The following RCBTB2 variants were observed in gnomAD, a reference collection of about 807,000 sequenced individuals.
RCBTB2 encodes RCC1 and BTB domain-containing protein 2.
A neutral mutation model predicts 65.4 loss-of-function variants in RCBTB2; 55 were observed. That is an observed-to-expected ratio of 0.84 (90% CI 0.68 to 1.05). RCBTB2 has a LOEUF of 1.05. Ranked by LOEUF, RCBTB2 falls within the 50% of genes least tolerant of loss-of-function variation. RCBTB2 has a pLI of 0.00. For synonymous variants in RCBTB2, 220 were observed against 255.2 expected, an observed-to-expected ratio of 0.86 and a Z score of 1.31; for missense variants, 599 against 680.1, an observed-to-expected ratio of 0.88 and a Z score of 1.33.
Position 48,512,045 on chromosome 13 carries a change from A to C in RCBTB2, c.646T>G (p.Cys216Gly), listed in dbSNP as rs1313964887. The C allele has an allele frequency of 6.2e-7, 1 of 1,614,196 alleles. No individual in the cohort carries two copies. Among genetic ancestry groups the C allele is most frequent in the Non-Finnish European group, 8.5e-7 (1 of 1,179,992 alleles). Reference protein sequence around the residue: ...VVVTIACGQMCCMAVVDTGEV... With the variant: ...VVVTIACGQMGCMAVVDTGEV... The stretch of plus-strand genomic sequence containing the variant: ...CCCGTGTCTACTACTGCCATGCAGC[A>C]CATCTGCCCACATGCTATGGTCACA... The change falls in exon 8 of 15, where the codon TGC becomes GGC. Residue 216 changes from cysteine (C) to glycine (G), a missense_variant. Coordinates refer to ENST00000344532, the MANE Select transcript of RCBTB2 (RefSeq NM_001268.4).
At chr13:48,525,294 C>T (rs1219246675) in intron 1 of RCBTB2, among the ~76,000 whole-genome samples, 1 of 147,818 alleles carries the variant, frequency 6.8e-6, no homozygotes, top group African/African-American at 2.5e-5. Context: ...AGGATCCATA[C>T]ACAAAATATA....
chr13:48,522,460 G>A (rs550910874), intron 2 of RCBTB2, 57 bp from the exon 3 acceptor site: 26 of 814,652 alleles, frequency 3.2e-5, no homozygotes, highest in African/African-American at 5.2e-5. Context: ...ATGAATGAAT[G>A]TGGCTTTGTT....
Position 48,489,357 on chromosome 13 carries a change from T to G in RCBTB2, c.*754A>C, listed in dbSNP as rs1285432606. The G allele has an allele frequency of 6.6e-6, 1 of 152,200 alleles. No individual in the cohort carries two copies. The highest frequency in any genetic ancestry group is 1.5e-5 in the Non-Finnish European group (1 of 68,038). 9.4% of individuals were successfully genotyped at this position (152,200 alleles called of 1,614,324 possible). On this transcript the variant is annotated 3_prime_UTR_variant, in exon 15 of 15. Coordinates refer to ENST00000344532, the MANE Select transcript of RCBTB2 (RefSeq NM_001268.4). ...AAGAAAAGCAAAGGACCTTATGTGA[T>G]TATGTAAGGCAGATCAGCCCAGGAA...
Position 48,510,614 on chromosome 13 carries a change from A to G in RCBTB2, c.926+15T>C, listed in dbSNP as rs1342123086. On this transcript the variant is annotated intron_variant, in intron 10 of 14. Coordinates refer to ENST00000344532, the MANE Select transcript of RCBTB2 (RefSeq NM_001268.4). The stretch of plus-strand genomic sequence containing the variant: ...CCAAAGACCAGTGTGGGGACTGTGA[A>G]AATGCCCGTGTTACCTGTCCTTTTC... The G allele has an allele frequency of 1.2e-6, 2 of 1,613,252 alleles. No homozygotes were observed. The highest frequency in any genetic ancestry group is 1.7e-5 in the Admixed American group (1 of 60,016).
rs1950431065 is a variant in RCBTB2, at chr13:48,505,073, C to T, written c.927-2159G>A. Among the ~76,000 whole-genome samples the T allele has an allele frequency of 4.0e-5, 6 of 149,420 alleles. No homozygotes were observed. The South Asian group carries it at 1.3e-3, about 31-fold the overall frequency. Reference sequence around the variant, plus strand: ...TTCTTTTTTTTTTTTTTTCTTGCAGCTCCAGCTCAAAGGAAAACAAAAACT... The same window carrying T: ...TTCTTTTTTTTTTTTTTTCTTGCAGTTCCAGCTCAAAGGAAAACAAAAACT... On this transcript the variant is annotated intron_variant, in intron 10 of 14. Coordinates refer to ENST00000344532, the MANE Select transcript of RCBTB2 (RefSeq NM_001268.4).
At chr13:48,521,374 T>C (rs1386344512) in intron 4 of RCBTB2, among the ~76,000 whole-genome samples, 1 of 152,196 alleles carries the variant, frequency 6.6e-6, no homozygotes, top group Non-Finnish European at 1.5e-5. Flanking sequence ...TATGTAAATT[T>C]AACAAAATAA....
At chr13:48,501,312 G>A (rs559736641) in intron 12 of RCBTB2, among the ~76,000 whole-genome samples, 1 of 152,188 alleles carries the variant, frequency 6.6e-6, no homozygotes, top group African/African-American at 2.4e-5. Context: ...GACCTTTTTG[G>A]TCTGGAAAGG....
intron 10 of RCBTB2, among the ~76,000 whole-genome samples, chr13:48,510,244 G>C (rs1391036627): frequency 1.3e-5 from 2 of 152,254 alleles, no homozygotes; most frequent in Non-Finnish European, 2.9e-5. Context: ...CCCATGCAAG[G>C]TACCTTTTCC....
At chr13:48,497,433 T>C (rs1438100094) in intron 13 of RCBTB2, among the ~76,000 whole-genome samples, 1 of 152,234 alleles carries the variant, frequency 6.6e-6, no homozygotes, top group Non-Finnish European at 1.5e-5. Context: ...CAAGGAATGA[T>C]AGGAAGTACT....
Position 48,490,106 on chromosome 13 carries a change from T to C in RCBTB2, c.*5A>G, listed in dbSNP as rs537846460. 3 of 1,613,972 alleles carry C rather than the reference T, an allele frequency of 1.9e-6. No individual in the cohort carries two copies. The highest frequency in any genetic ancestry group is 1.3e-5 in the African/African-American group (1 of 75,054). ...AAAGGCTCAAAAACTTTCCTGCAGA[T>C]GGGATCAATTTTTAAAGGCTCCAAC... On this transcript the variant is annotated 3_prime_UTR_variant, in exon 15 of 15. Transcript: ENST00000344532.
intron 4 of RCBTB2, among the ~76,000 whole-genome samples, chr13:48,517,741 A>G (rs1041519249): frequency 6.6e-6 from 1 of 152,232 alleles, no homozygotes; most frequent in African/African-American, 2.4e-5. Context: ...AGCTCAAAAG[A>G]TAGTTTTCTG....
At chr13:48,522,628 A>G (rs2138614873) in intron 2 of RCBTB2, among the ~76,000 whole-genome samples, 1 of 152,358 alleles carries the variant, frequency 6.6e-6, no homozygotes, top group South Asian at 2.1e-4. Context: ...ATATGTCTGG[A>G]CTGTGGTTTA....
At chr13:48,533,313 T>C (rs1011184255), upstream of RCBTB2, 12 of 301,364 alleles carry the variant, frequency 4.0e-5, no homozygotes, top group South Asian at 2.7e-4. Flanking sequence ...GAGTCTCCCA[T>C]TGGGGCCGCC....
intron 14 of RCBTB2, among the ~76,000 whole-genome samples, chr13:48,494,923 T>C (rs1023069363): frequency 6.6e-6 from 1 of 152,198 alleles, no homozygotes; most frequent in Admixed American, 6.5e-5. Flanking sequence ...AAATATATAA[T>C]GTGACATAAA....
intron 10 of RCBTB2, among the ~76,000 whole-genome samples, chr13:48,507,992 T>A (rs1950587757): frequency 6.6e-6 from 1 of 152,232 alleles, no homozygotes; most frequent in Non-Finnish European, 1.5e-5. Flanking sequence ...AAATAAAATC[T>A]TTTTCTGGGA....
chr13:48,499,517 A>G, intron 13 of RCBTB2, 104 bp downstream of exon 13: 1 of 1,175,906 alleles, frequency 8.5e-7, no homozygotes, highest in African/African-American at 1.5e-5. Context: ...AAAAAGAAAT[A>G]CTTCTGTAAT....
At chr13:48,491,687 G>A (rs1949707032) in intron 14 of RCBTB2, 1 of 152,186 alleles carries the variant, frequency 6.6e-6, no homozygotes. Context: ...CTGGAGTTAG[G>A]TGGCTGGGCA....
chr13:48,493,894 T>C (rs1287795094), intron 14 of RCBTB2, among the ~76,000 whole-genome samples: 2 of 152,272 alleles, frequency 1.3e-5, no homozygotes, highest in Middle Eastern at 3.4e-3. Flanking sequence ...TCATTTGCAG[T>C]ACCCCAGTGC....
intron 2 of RCBTB2, 150 bp from the exon 3 acceptor site, chr13:48,522,553 C>A: frequency 1.7e-6 from 1 of 581,858 alleles, no homozygotes; most frequent in Non-Finnish European, 3.1e-6. Context: ...AATAACCATG[C>A]CCACATCACC....
Sources: allele counts gnomAD v4.1 joint callset (sites outside exome capture counted in the v4.1 genomes callset), GRCh38; gene constraint gnomAD v4.1.1; transcripts MANE v1.5; gene names NCBI Gene and HGNC (gene_info 2026-07-23, HGNC 2026-07-21).